The following AKAP9 variants were observed in gnomAD, a reference collection of about 807,000 sequenced individuals.
The protein encoded by AKAP9 is A-kinase anchoring protein 9, also known as A-kinase anchor protein 9.
A neutral mutation model predicts 488.5 loss-of-function variants in AKAP9; 311 were observed. The observed-to-expected ratio is 0.64, with a 90% CI of 0.58 to 0.70. AKAP9 has a LOEUF of 0.70. Among genes scored for constraint, AKAP9 ranks in the 30% least tolerant of loss-of-function variants. AKAP9 has a pLI of 0.00. For synonymous variants in AKAP9, 1,462 were observed against 1,483.5 expected (o/e 0.99, Z 0.33); for missense variants, 4,215 against 4,374.5 (o/e 0.96, Z 1.03).
rs550423073 is a variant in AKAP9 at position 91,992,021 on chromosome 7, T to C, written c.352-137T>C. The C allele has an allele frequency of 1.1e-5, 8 of 708,936 alleles. No homozygotes were observed. The South Asian group carries it at 1.3e-4, about 12-fold the overall frequency. The allele number at this position is 708,936 out of a possible 1,614,324, so 43.9% of individuals were successfully genotyped here. ...GTCTCTTAGATATTTTAAATTAATC[T>C]CTGTATCTGTTTTCGCCAATGATGC... On this transcript the variant is annotated intron_variant, in intron 3 of 49. Transcript: ENST00000356239.
chr7:92,043,208 T>G (rs1372967603), intron 20 of AKAP9: 3 of 301,868 alleles, frequency 9.9e-6, no homozygotes. Flanking sequence ...AACTAATATT[T>G]ACTTCTTAAT....
At chr7:92,072,889 A>G (rs747807193) in intron 28 of AKAP9, among the ~76,000 whole-genome samples, 5 of 152,172 alleles carry the variant, frequency 3.3e-5, no homozygotes, top group African/African-American at 1.2e-4. Flanking sequence ...TGTTATCCCC[A>G]TTTTACAGAT....
chr7:92,067,812 A>C (rs1811003400), intron 26 of AKAP9, among the ~76,000 whole-genome samples: 1 of 152,210 alleles, frequency 6.6e-6, no homozygotes, highest in African/African-American at 2.4e-5. Context: ...GACAATAACT[A>C]AGTCAGTTAA....
At chr7:92,090,902 T>C (rs1477128220) in intron 38 of AKAP9, among the ~76,000 whole-genome samples, 6 of 152,216 alleles carry the variant, frequency 3.9e-5, no homozygotes, top group Non-Finnish European at 8.8e-5. Context: ...AGTAGCAGTA[T>C]ATGAGAGTTA....
At chr7:91,950,214 C>T (rs1792017062) in intron 1 of AKAP9, among the ~76,000 whole-genome samples, 1 of 151,076 alleles carries the variant, frequency 6.6e-6, no homozygotes, top group Non-Finnish European at 1.5e-5. Flanking sequence ...GTATTTATTC[C>T]TCCAGGGTCT....
rs1795336223 is a variant in AKAP9 at position 91,973,606 on chromosome 7, G to A, written c.49-105G>A. 5.9e-6 allele frequency: 7 copies of A among 1,180,906 alleles called. 1 individual carries two copies. The highest frequency in any genetic ancestry group is 2.8e-5 in the South Asian group (2 of 70,606). The allele number at this position is 1,180,906 out of a possible 1,614,324, so 73.2% of individuals were successfully genotyped here. ...TTCTTTATTTTTTCATTTTTATTTA[G>A]TGATAGTTTGATCTTTAAAAGAGAG... On this transcript the variant is annotated intron_variant, in intron 1 of 49. Transcript: ENST00000356239.
Position 92,079,107 on chromosome 7 carries a change from G to A in AKAP9, c.6974G>A (p.Arg2325Lys), listed in dbSNP as rs786205708. The part of the protein sequence containing the change: ...KVIEEKNELI[R>K]DLETQIECLM... ...ATTGAAGAAAAAAATGAACTGATAA[G>A]GGATCTTGAAACCCAAATAGAATGT... is the stretch of plus-strand genomic sequence containing the variant. Residue 2325 changes from arginine (R) to lysine (K), a missense_variant, in exon 31 of 50, where the codon AGG becomes AAG. By Grantham distance (26) the Arg-to-Lys change is conservative (BLOSUM62 2). Transcript: ENST00000356239. 2 of 1,611,482 alleles carry A rather than the reference G, an allele frequency of 1.2e-6. No homozygotes were observed. The highest frequency in any genetic ancestry group is 3.3e-5 in the Admixed American group (2 of 59,864).
At chr7:91,969,547 C>T (rs1354015151) in intron 1 of AKAP9, among the ~76,000 whole-genome samples, 4 of 152,124 alleles carry the variant, frequency 2.6e-5, no homozygotes, top group Non-Finnish European at 4.4e-5. Flanking sequence ...CTATCTCTCC[C>T]TTTAGATCTA....
In AKAP9 at chr7:92,003,215, A is replaced by C. The variant is rs1360525453; in HGVS notation, c.3298A>C (p.Asn1100His). Residue 1100 changes from asparagine to histidine, a missense_variant, in exon 8 of 50, where the codon AAT (asparagine) becomes CAT (histidine). Transcript: ENST00000356239. Reference protein sequence around the residue: ...SENDKLQKELNVLKSEQNDLR... With the variant: ...SENDKLQKELHVLKSEQNDLR... ...AAATGATAAACTTCAGAAAGAACTC[A>C]ATGTACTTAAATCAGAACAGGTATG... The C allele has an allele frequency of 1.3e-5, 21 of 1,601,500 alleles. No individual in the cohort carries two copies. The highest frequency in any genetic ancestry group is 1.7e-5 in the Non-Finnish European group (20 of 1,169,812).
intron 1 of AKAP9, among the ~76,000 whole-genome samples, chr7:91,971,982 C>CTTTTTTTTTTTT (rs71107846): frequency 2.2e-5 from 2 of 91,886 alleles, no homozygotes; most frequent in East Asian, 3.5e-4. Context: ...TTTTGCCTCT[C>CTTTTTTTTTTTT]TTTTTTTTTT....
chr7:92,093,353 G>A, intron 39 of AKAP9, 37 bp downstream of exon 39: 2 of 1,573,708 alleles, frequency 1.3e-6, no homozygotes, highest in East Asian at 2.3e-5. Flanking sequence ...ATGTAACAAG[G>A]AGTGGGAGTA....
rs555060223 is a variant in AKAP9, at chr7:91,974,214, A to T, written c.306+246A>T. On this transcript the variant is annotated intron_variant, in intron 2 of 49. Transcript: ENST00000356239. ...AAGACTGAGCACCAGAGTTACAAAG[A>T]TGGATATGACTATCTCTGCCCTTTA... 5.3e-5 allele frequency among the ~76,000 whole-genome samples: 8 copies of T among 152,320 alleles called. No homozygotes were observed. In the South Asian group the frequency reaches 1.7e-3, roughly 32 times the overall value.
chr7:92,022,973 G>A lies in AKAP9; in HGVS notation c.4112G>A (p.Arg1371Lys), dbSNP rs1802546043. Residue 1371 changes from arginine (R) to lysine (K), a missense_variant, in exon 14 of 50, where the codon AGG becomes AAG. Arg to Lys is a conservative substitution (Grantham distance 26). Coordinates refer to ENST00000356239, the MANE Select transcript of AKAP9 (RefSeq NM_005751.5). The part of the protein sequence containing the change: ...YEAEIHCLQK[R>K]LQAVSESTVP... ...GCAGAGATCCACTGTTTACAGAAGAGGCTTCAAGCTGTTAGTGAGTCCACG... is the reference window on the plus strand; with the variant it reads ...GCAGAGATCCACTGTTTACAGAAGAAGCTTCAAGCTGTTAGTGAGTCCACG... 5.0e-6 allele frequency: 8 copies of A among 1,613,948 alleles called. No individual in the cohort carries two copies. The highest frequency in any genetic ancestry group is 2.7e-5 in the African/African-American group (2 of 74,936).
At chr7:92,028,846 G>A (rs889704845) in intron 14 of AKAP9, among the ~76,000 whole-genome samples, 2 of 152,180 alleles carry the variant, frequency 1.3e-5, no homozygotes, top group Non-Finnish European at 2.9e-5. Flanking sequence ...AGTGTGCCAA[G>A]ATATGTTTGT....
chr7:92,078,607 T>C (rs12540055), intron 30 of AKAP9, among the ~76,000 whole-genome samples: 63,230 of 151,456 alleles, frequency 0.42, 13,705 homozygotes, highest in African/African-American at 0.52. Flanking sequence ...GACACATTGG[T>C]TTAATAATTT....
intron 7 of AKAP9, chr7:91,996,102 G>A: frequency 9.1e-6 from 3 of 329,334 alleles, no homozygotes; most frequent in Non-Finnish European, 1.6e-5. Flanking sequence ...CCATGGTTGT[G>A]AAATTCAGAA....
At chr7:92,027,588 C>T (rs560646509) in intron 14 of AKAP9, among the ~76,000 whole-genome samples, 155 of 146,010 alleles carry the variant, frequency 1.1e-3, no homozygotes, top group African/African-American at 3.6e-3. Context: ...CCGGCTGCCC[C>T]GTCTGGGAAG....
Position 92,055,464 on chromosome 7 carries a change from C to T in AKAP9, c.5601+2506C>T, listed in dbSNP as rs562457245. On this transcript the variant is annotated intron_variant, in intron 22 of 49. Coordinates refer to ENST00000356239, the MANE Select transcript of AKAP9 (RefSeq NM_005751.5). The stretch of plus-strand genomic sequence containing the variant: ...CAAATCAAAGTCCAAAAGAGAGCAA[C>T]AAAAGTGTTTTACAGTTTGAAGAAA... Among the ~76,000 whole-genome samples, 4 of 152,018 alleles carry T rather than the reference C, an allele frequency of 2.6e-5. No individual in the cohort carries two copies. The East Asian group carries it at 7.7e-4, about 29-fold the overall frequency.
intron 3 of AKAP9, among the ~76,000 whole-genome samples, chr7:91,989,930 G>A (rs1312797806): frequency 6.6e-6 from 1 of 151,998 alleles, no homozygotes; most frequent in Non-Finnish European, 1.5e-5. Flanking sequence ...CCATTTTATA[G>A]TCACATAGTG....
Sources: allele counts gnomAD v4.1 joint callset (sites outside exome capture counted in the v4.1 genomes callset), GRCh38; gene constraint gnomAD v4.1.1; transcripts MANE v1.5; gene names NCBI Gene and HGNC (gene_info 2026-07-23, HGNC 2026-07-21).